PRUNE2: variants seen among roughly 807,000 people sequenced by gnomAD.
The protein encoded by PRUNE2 is prune homolog 2 with BCH domain, also known as protein prune homolog 2.
In PRUNE2, 164 loss-of-function variants were observed where a neutral mutation model predicts 252.0. The ratio of observed to expected loss-of-function variants is 0.65; its 90% CI spans 0.57 to 0.74. The LOEUF (loss-of-function observed/expected upper bound fraction) is 0.74. PRUNE2 is among the 30% of genes least tolerant of loss of function. PRUNE2 has a pLI of 0.00. For synonymous variants in PRUNE2, 1,292 were observed against 1,350.2 expected (o/e 0.96, Z 0.94); for missense variants, 3,495 against 3,711.0 (o/e 0.94, Z 1.51).
At chr9:76,840,083 G>A (rs1295420055) in intron 4 of PRUNE2, among the ~76,000 whole-genome samples, 2 of 152,162 alleles carry the variant, frequency 1.3e-5, no homozygotes, top group African/African-American at 2.4e-5. Context: ...GGTCACAGTT[G>A]GAGATACAGG....
At chr9:76,657,782 C>A (rs756987903) in intron 9 of PRUNE2, among the ~76,000 whole-genome samples, 14 of 152,172 alleles carry the variant, frequency 9.2e-5, no homozygotes, top group Admixed American at 7.9e-4. Context: ...CATGGTTGGA[C>A]AAATCATAAT....
chr9:76,687,402 G>T (rs919499739), intron 9 of PRUNE2, among the ~76,000 whole-genome samples: 1 of 152,192 alleles, frequency 6.6e-6, no homozygotes, highest in African/African-American at 2.4e-5. Context: ...GGCAATGGTG[G>T]CTTTATGAAT....
intron 9 of PRUNE2, among the ~76,000 whole-genome samples, chr9:76,666,999 T>C (rs1233277135): frequency 6.6e-6 from 1 of 152,026 alleles, no homozygotes; most frequent in Non-Finnish European, 1.5e-5. Context: ...TGAGCCAAGA[T>C]CGCATCATTA....
intron 6 of PRUNE2, among the ~76,000 whole-genome samples, chr9:76,805,329 G>A (rs2056858812): frequency 6.6e-6 from 1 of 152,198 alleles, no homozygotes; most frequent in South Asian, 2.1e-4. Flanking sequence ...GTTTTAGTAA[G>A]TTGTGGTGTG....
chr9:76,714,390 T>A (rs569497907), intron 6 of PRUNE2, among the ~76,000 whole-genome samples: 1 of 152,282 alleles, frequency 6.6e-6, no homozygotes, highest in South Asian at 2.1e-4. Flanking sequence ...TTACTGTATG[T>A]ATGTACTTAT....
rs566026525 is a variant in PRUNE2 at position 76,663,721 on chromosome 9, C to T, written c.8277-8219G>A. Among the ~76,000 whole-genome samples, 19 of 152,280 alleles carry T rather than the reference C, an allele frequency of 1.2e-4. No homozygotes were observed. The East Asian group carries it at 3.3e-3, about 26-fold the overall frequency. On this transcript the variant is annotated intron_variant, in intron 9 of 18. Transcript: ENST00000376718. ...TTATCATTTCAACCTCTTTGCTTTT[C>T]AGAGAATAATTAACTCCTTGGCTGT...
intron 4 of PRUNE2, among the ~76,000 whole-genome samples, chr9:76,837,320 C>CGTGT (rs2059053370): frequency 6.6e-6 from 1 of 151,890 alleles, no homozygotes; most frequent in South Asian, 2.1e-4. Flanking sequence ...CGGGCACCTG[C>CGTGT]AGTCCCAACT....
At chr9:76,773,499 A>G (rs1251324478) in intron 6 of PRUNE2, among the ~76,000 whole-genome samples, 2 of 138,298 alleles carry the variant, frequency 1.4e-5, no homozygotes, top group African/African-American at 5.5e-5. Context: ...GCTGGAGTGC[A>G]GTGGTGCAAT....
At position 76,731,306 on chromosome 9, in the gene PRUNE2, C is replaced by A. The variant is rs79881834; in HGVS notation, c.757-17585G>T. ...TCTATCTATCTATCTATCTATCTAT[C>A]TATCTATATATATATATATTTTTTT... is the stretch of plus-strand genomic sequence containing the variant. On this transcript the variant is annotated intron_variant, in intron 6 of 18. Coordinates refer to ENST00000376718, the MANE Select transcript of PRUNE2 (RefSeq NM_015225.3). Among the ~76,000 whole-genome samples the A allele has an allele frequency of 4.5e-3, 165 of 37,008 alleles. 1 individual carries two copies. Among genetic ancestry groups the A allele is most frequent in the African/African-American group, 0.015 (157 of 10,402 alleles). The allele number at this position is 37,008 out of a possible 152,430, so 24.3% of individuals were successfully genotyped here.
At position 76,652,528 on chromosome 9, in the gene PRUNE2, G is replaced by A; in HGVS notation, c.8512C>T (p.Leu2838Phe). 6.2e-7 allele frequency: 1 copy of A among 1,613,404 alleles called. No individual in the cohort carries two copies. The highest frequency in any genetic ancestry group is 8.5e-7 in the Non-Finnish European group (1 of 1,179,456). Residue 2838 changes from leucine to phenylalanine, a missense_variant, in exon 11 of 19, where the codon CTT becomes TTT. Coordinates refer to ENST00000376718, the MANE Select transcript of PRUNE2 (RefSeq NM_015225.3). ...PDEIDINVDELDTPDEADSFE... is the reference protein window; with the variant it reads ...PDEIDINVDEFDTPDEADSFE... ...GAATCTGCTTCATCGGGGGTATCAA[G>A]TTCATCCACATTGATGTCAATTTCA...
chr9:76,713,391 A>T (rs573404538), intron 7 of PRUNE2, among the ~76,000 whole-genome samples, 172 bp downstream of exon 7: 16 of 152,346 alleles, frequency 1.1e-4, no homozygotes, highest in Non-Finnish European at 2.9e-5. Flanking sequence ...GCTTTCTTAA[A>T]AGGCCAAATG....
At chr9:76,854,364 T>C (rs1436676190) in intron 1 of PRUNE2, among the ~76,000 whole-genome samples, 156 bp from the exon 2 acceptor site, 4 of 152,180 alleles carry the variant, frequency 2.6e-5, no homozygotes, top group East Asian at 3.8e-4. Flanking sequence ...AACATAAAAA[T>C]TGTACAAAGT....
chr9:76,817,952 T>A (rs765279162), intron 6 of PRUNE2: 3 of 152,192 alleles, frequency 2.0e-5, no homozygotes, highest in Non-Finnish European at 4.4e-5. Flanking sequence ...AGTTTTCACA[T>A]ATTTCTATTA....
rs73650284 is a variant in PRUNE2, at chr9:76,709,061, G to A, written c.3213C>T (p.Val1071=). ...DGKNISMEDD[V]GESSQSSYDD... ...CGTAACTGGACTGGCTGCTTTCCCC[G>A]ACGTCATCCTCCATGGAGATATTCT... The change falls in exon 8 of 19, where the codon GTC becomes GTT. Residue 1071 remains valine, a synonymous_variant. Coordinates refer to ENST00000376718, the MANE Select transcript of PRUNE2 (RefSeq NM_015225.3). 9.3e-6 allele frequency: 15 copies of A among 1,613,762 alleles called. No individual in the cohort carries two copies. In the African/African-American group the frequency reaches 9.3e-5, roughly 10 times the overall value.
chr9:76,806,103 C>CG (rs1344002234), intron 6 of PRUNE2, among the ~76,000 whole-genome samples: 4 of 152,110 alleles, frequency 2.6e-5, no homozygotes, highest in African/African-American at 9.7e-5. Flanking sequence ...GTTCAAAGTG[C>CG]GGTCTCTGAA....
intron 9 of PRUNE2, among the ~76,000 whole-genome samples, chr9:76,669,380 C>A (rs925751517): frequency 2.6e-5 from 4 of 151,974 alleles, no homozygotes; most frequent in Admixed American, 2.6e-4. Flanking sequence ...AGTGCAGTGG[C>A]GTGATCTCGG....
chr9:76,776,887 AACACATACACACACACAC>A (rs1158596242), intron 6 of PRUNE2, among the ~76,000 whole-genome samples: 128 of 96,550 alleles, frequency 1.3e-3, no homozygotes, highest in African/African-American at 4.3e-3. Context: ...TCATTACCAA[AACACATACACACACACAC>A]ACACACACAC....
chr9:76,725,469 A>T (rs575946612), intron 6 of PRUNE2, among the ~76,000 whole-genome samples: 70 of 152,290 alleles, frequency 4.6e-4, no homozygotes, highest in Non-Finnish European at 7.1e-4. Context: ...CTCATTTGCT[A>T]AAAATACCCA....
At chr9:76,617,562 T>C (rs913102556) in intron 18 of PRUNE2, among the ~76,000 whole-genome samples, 29 of 151,952 alleles carry the variant, frequency 1.9e-4, no homozygotes, top group African/African-American at 7.0e-4. Flanking sequence ...CCTGATCTCA[T>C]CATCCACACT....
Sources: allele counts gnomAD v4.1 joint callset (sites outside exome capture counted in the v4.1 genomes callset), GRCh38; gene constraint gnomAD v4.1.1; transcripts MANE v1.5; gene names NCBI Gene and HGNC (gene_info 2026-07-23, HGNC 2026-07-21).